NDUFA9: variants seen among roughly 807,000 people sequenced by gnomAD.
NDUFA9 encodes the protein NADH dehydrogenase [ubiquinone] 1 alpha subcomplex subunit 9, mitochondrial.
A neutral mutation model predicts 45.9 loss-of-function variants in NDUFA9; 23 were observed. The ratio of observed to expected loss-of-function variants is 0.50; its 90% CI spans 0.36 to 0.71. The LOEUF (loss-of-function observed/expected upper bound fraction) is 0.71. Among genes scored for constraint, NDUFA9 ranks in the 30% least tolerant of loss-of-function variants. The pLI, the probability that NDUFA9 is intolerant of heterozygous loss-of-function variation, is 0.00. For missense variants in NDUFA9, 466 were observed against 488.2 expected (o/e 0.95, Z 0.43); for synonymous variants, 176 against 170.5 (o/e 1.03, Z -0.25).
chr12:4,661,738 G>C (rs1945824251), intron 5 of NDUFA9, among the ~76,000 whole-genome samples: 1 of 96,308 alleles, frequency 1.0e-5, no homozygotes. Context: ...TGAGAAACAG[G>C]TATCCCAGGA....
At chr12:4,658,256 C>T (rs1192966797) in intron 4 of NDUFA9, among the ~76,000 whole-genome samples, 1 of 152,146 alleles carries the variant, frequency 6.6e-6, no homozygotes, top group Admixed American at 6.5e-5. Flanking sequence ...TTGAACAGTT[C>T]TTTGTATGGA....
intron 9 of NDUFA9, chr12:4,684,896 G>A: frequency 1.8e-6 from 1 of 551,670 alleles, no homozygotes; most frequent in Non-Finnish European, 3.2e-6. Context: ...TTCTGTAAAG[G>A]CAGCATATTT....
intron 8 of NDUFA9, among the ~76,000 whole-genome samples, chr12:4,670,648 T>G (rs1183143705): frequency 6.6e-6 from 1 of 152,252 alleles, no homozygotes; most frequent in Non-Finnish European, 1.5e-5. Context: ...CCACTATTAT[T>G]ATTTAATACA....
At chr12:4,663,609 A>T (rs576442632) in intron 6 of NDUFA9, among the ~76,000 whole-genome samples, 15 of 152,336 alleles carry the variant, frequency 9.8e-5, no homozygotes, top group African/African-American at 3.4e-4. Context: ...GAGAGCCCTT[A>T]TCAGGAACCA....
rs201653293 is a variant in NDUFA9 at position 4,649,133 on chromosome 12, G to A, written c.7G>A (p.Ala3Thr). 1.6e-5 allele frequency: 26 copies of A among 1,604,344 alleles called. No individual in the cohort carries two copies. The East Asian group carries it at 5.8e-4, about 36-fold the overall frequency. Residue 3 changes from alanine to threonine, a missense_variant, in exon 1 of 11, where the codon GCT becomes ACT. Transcript: ENST00000266544. MA[A>T]AAQSRVVRVL... The stretch of plus-strand genomic sequence containing the variant: ...TGGGGGATTGTGGGAAAAGATGGCG[G>A]CTGCCGCACAATCCCGGGTTGTCCG...
intron 7 of NDUFA9, among the ~76,000 whole-genome samples, chr12:4,669,512 G>T (rs1213320929): frequency 6.6e-6 from 1 of 152,204 alleles, no homozygotes; most frequent in Non-Finnish European, 1.5e-5. Flanking sequence ...TTGGATAGCG[G>T]TGATTATTTG....
At chr12:4,670,738 G>C (rs1457074487) in intron 8 of NDUFA9, among the ~76,000 whole-genome samples, 1 of 152,108 alleles carries the variant, frequency 6.6e-6, no homozygotes, top group Non-Finnish European at 1.5e-5. Context: ...TCAGTTCCCA[G>C]TTTGGTACAT....
intron 1 of NDUFA9, chr12:4,653,613 G>A (rs1160180956): frequency 1.1e-5 from 5 of 450,674 alleles, no homozygotes; most frequent in South Asian, 8.0e-5. Context: ...CTAAAAGTCA[G>A]AATATCTTTT....
chr12:4,662,307 TA>T (rs1945827660), intron 5 of NDUFA9, among the ~76,000 whole-genome samples: 1 of 152,200 alleles, frequency 6.6e-6, no homozygotes, highest in African/African-American at 2.4e-5. Context: ...TCCCTTAAAA[TA>T]AAAAAATTGG....
intron 8 of NDUFA9, among the ~76,000 whole-genome samples, chr12:4,681,375 A>T (rs982200619): frequency 6.6e-6 from 1 of 151,912 alleles, no homozygotes; most frequent in Middle Eastern, 3.4e-3. Flanking sequence ...CTTACAAATT[A>T]TTTTTATAGA....
At chr12:4,676,325 C>CA (rs1377580882) in intron 8 of NDUFA9, among the ~76,000 whole-genome samples, 12 of 152,100 alleles carry the variant, frequency 7.9e-5, no homozygotes, top group Admixed American at 7.9e-4. Context: ...AAAGGGTATT[C>CA]AATTAGGAAA....
At chr12:4,651,416 TA>T (rs879380887) in intron 1 of NDUFA9, among the ~76,000 whole-genome samples, 7 of 152,170 alleles carry the variant, frequency 4.6e-5, no homozygotes, top group Non-Finnish European at 1.0e-4. Flanking sequence ...TTATTCTCAT[TA>T]ACCCTTTAAA....
chr12:4,683,182 A>C (rs80113180), intron 9 of NDUFA9, among the ~76,000 whole-genome samples: 4 of 149,028 alleles, frequency 2.7e-5, no homozygotes, highest in African/African-American at 9.8e-5. Context: ...CTCTGGAACA[A>C]AAAAAAAAAA....
intron 8 of NDUFA9, among the ~76,000 whole-genome samples, chr12:4,672,635 C>G (rs1287860491): frequency 6.6e-6 from 1 of 152,208 alleles, no homozygotes. Context: ...TGGGCAGAGC[C>G]CACTGCAGCT....
rs1237313213 is a variant in NDUFA9, at chr12:4,686,963, C to G, written c.989C>G (p.Pro330Arg). ...ATGCACATCACAGACATGAAATTGC[C>G]TCACCTGCCTGGCTTAGAAGACCTT... ...ERMHITDMKL[P>R]HLPGLEDLGI... The change falls in exon 11 of 11, where the codon CCT (proline) becomes CGT (arginine). Residue 330 changes from proline to arginine, a missense_variant. Physicochemically the swap from Pro to Arg is moderately radical, Grantham distance 103. Coordinates refer to ENST00000266544, the MANE Select transcript of NDUFA9 (RefSeq NM_005002.5). The G allele has an allele frequency of 5.0e-6, 8 of 1,614,138 alleles. No individual in the cohort carries two copies. The highest frequency in any genetic ancestry group is 3.3e-5 in the Admixed American group (2 of 60,016).
chr12:4,663,692 C>A (rs1171092318), intron 6 of NDUFA9, among the ~76,000 whole-genome samples: 1 of 152,180 alleles, frequency 6.6e-6, no homozygotes, highest in Non-Finnish European at 1.5e-5. Context: ...ATTGTACAAG[C>A]CACCCAGTCT....
chr12:4,670,915 T>C (rs1565569480), intron 8 of NDUFA9, among the ~76,000 whole-genome samples: 1 of 152,264 alleles, frequency 6.6e-6, no homozygotes, highest in Non-Finnish European at 1.5e-5. Flanking sequence ...TTACTTGCTC[T>C]AGCTCTGGAT....
At chr12:4,670,432 C>T (rs919172508) in intron 8 of NDUFA9, among the ~76,000 whole-genome samples, 1 of 152,136 alleles carries the variant, frequency 6.6e-6, no homozygotes, top group Non-Finnish European at 1.5e-5. Context: ...ATCAAATTCA[C>T]CTGGTAAGTG....
chr12:4,649,562 A>G (rs2137458231), intron 1 of NDUFA9, among the ~76,000 whole-genome samples: 1 of 152,276 alleles, frequency 6.6e-6, no homozygotes, highest in South Asian at 2.1e-4. Flanking sequence ...GTTTTCTTAG[A>G]TTGATTTTAT....
Sources: allele counts gnomAD v4.1 joint callset (sites outside exome capture counted in the v4.1 genomes callset), GRCh38; gene constraint gnomAD v4.1.1; transcripts MANE v1.5; gene names NCBI Gene and HGNC (gene_info 2026-07-23, HGNC 2026-07-21).